The following TBXAS1 variants were observed in gnomAD, a reference collection of about 807,000 sequenced individuals.
The protein encoded by TBXAS1 is thromboxane-A synthase.
A neutral mutation model predicts 60.7 loss-of-function variants in TBXAS1; 48 were observed. That is an observed-to-expected ratio of 0.79 (90% CI 0.63 to 1.01). The LOEUF (loss-of-function observed/expected upper bound fraction) is 1.01. Ranked by LOEUF, TBXAS1 falls within the 50% of genes least tolerant of loss-of-function variation. TBXAS1 has a pLI of 0.00. For missense variants in TBXAS1, 685 were observed against 686.3 expected, an observed-to-expected ratio of 1.00 and a Z score of 0.02; for synonymous variants, 287 against 269.7, an observed-to-expected ratio of 1.06 and a Z score of -0.63.
chr7:139,855,530 T>C (rs1015699572), intron 1 of TBXAS1, among the ~76,000 whole-genome samples: 3 of 151,930 alleles, frequency 2.0e-5, no homozygotes, highest in Non-Finnish European at 4.4e-5. Flanking sequence ...CCAGGTGAAG[T>C]GGGCCTCATG....
chr7:139,833,642 A>C (rs1585580184), intron 1 of TBXAS1, among the ~76,000 whole-genome samples: 1 of 151,928 alleles, frequency 6.6e-6, no homozygotes, highest in East Asian at 1.9e-4. Flanking sequence ...CTGAGATTGC[A>C]CCACTGCACT....
intron 9 of TBXAS1, among the ~76,000 whole-genome samples, chr7:139,981,276 C>T (rs751551368): frequency 2.0e-5 from 3 of 152,212 alleles, no homozygotes; most frequent in South Asian, 2.1e-4. Flanking sequence ...GCCCCATGCC[C>T]GGCTAATTTT....
chr7:139,956,600 C>T (rs1809885897), intron 7 of TBXAS1, among the ~76,000 whole-genome samples: 1 of 152,228 alleles, frequency 6.6e-6, no homozygotes, highest in Non-Finnish European at 1.5e-5. Context: ...CCATTCATTC[C>T]TTGACCAGTT....
Position 139,815,288 on chromosome 7 carries a change from C to A in TBXAS1, c.-79-14024C>A, listed in dbSNP as rs1585546192. ...CAAACAGGGTGCTCTGCAAAGCAGC[C>A]AGTGGGCAGAGGAGCCTCCATGGAG... On this transcript the variant is annotated intron_variant, in intron 4 of 16. Transcript: ENST00000336425. Among the ~76,000 whole-genome samples, 4 of 152,172 alleles carry A rather than the reference C, an allele frequency of 2.6e-5. No homozygotes were observed. In the East Asian group the frequency reaches 7.7e-4, roughly 29 times the overall value.
chr7:139,833,413 T>C (rs1333338895), intron 1 of TBXAS1, among the ~76,000 whole-genome samples: 1 of 149,352 alleles, frequency 6.7e-6, no homozygotes, highest in African/African-American at 2.5e-5. Flanking sequence ...CCGGGCGTGG[T>C]GGCTCATGCC....
chr7:139,880,483 A>G (rs1802614570), intron 3 of TBXAS1, among the ~76,000 whole-genome samples: 1 of 152,222 alleles, frequency 6.6e-6, no homozygotes, highest in Non-Finnish European at 1.5e-5. Flanking sequence ...AAATGAGTAT[A>G]AGAAAAAAGT....
chr7:139,877,094 C>T (rs1319278972), intron 3 of TBXAS1, among the ~76,000 whole-genome samples: 1 of 152,166 alleles, frequency 6.6e-6, no homozygotes, highest in African/African-American at 2.4e-5. Context: ...ACGGCTAAAC[C>T]CAAGATGTGG....
At chr7:139,965,306 CA>C (rs1810696009) in intron 9 of TBXAS1, among the ~76,000 whole-genome samples, 1 of 152,048 alleles carries the variant, frequency 6.6e-6, no homozygotes, top group African/African-American at 2.4e-5. Flanking sequence ...CACATTACAG[CA>C]GGTCAAATTT....
At chr7:139,994,123 C>T (rs890017636) in intron 9 of TBXAS1, among the ~76,000 whole-genome samples, 2 of 152,092 alleles carry the variant, frequency 1.3e-5, no homozygotes, top group African/African-American at 4.8e-5. Flanking sequence ...CTCACTGCAA[C>T]CTCTGCCTCC....
chr7:140,004,582 C>T lies in TBXAS1; in HGVS notation c.1135-2509C>T, dbSNP rs1227407935. On this transcript the variant is annotated intron_variant, in intron 9 of 12. Coordinates refer to ENST00000448866, the MANE Select transcript of TBXAS1 (RefSeq NM_001061.7). This position sits in a 1 kb window ranked among gnomAD's most constrained non-coding sequence, Gnocchi z 5.1. ...ACAAGTTGCCTCCAGGTTTGCCCAA[C>T]GGGGATGTTCTTTCAGGCCTGGACA... is the stretch of plus-strand genomic sequence containing the variant. 2.0e-5 allele frequency among the ~76,000 whole-genome samples: 3 copies of T among 152,178 alleles called. No individual in the cohort carries two copies. The highest frequency in any genetic ancestry group is 2.1e-4 in the South Asian group (1 of 4,830).
At chr7:139,803,142 C>T (rs944806248) in intron 4 of TBXAS1, among the ~76,000 whole-genome samples, 10 of 152,144 alleles carry the variant, frequency 6.6e-5, no homozygotes, top group African/African-American at 2.4e-4. Context: ...CAGACGAAGA[C>T]AGGAAAATAT....
intron 9 of TBXAS1, among the ~76,000 whole-genome samples, chr7:139,964,554 A>C (rs1810631246): frequency 6.6e-6 from 1 of 152,200 alleles, no homozygotes; most frequent in Non-Finnish European, 1.5e-5. Context: ...AAGGCATTAG[A>C]GGGAAGCCCA....
chr7:139,966,034 T>C (rs889732809), intron 9 of TBXAS1, among the ~76,000 whole-genome samples: 1 of 152,196 alleles, frequency 6.6e-6, no homozygotes, highest in African/African-American at 2.4e-5. Context: ...TGTTATAATT[T>C]TCCTGCTGGT....
intron 10 of TBXAS1, among the ~76,000 whole-genome samples, chr7:140,014,025 T>G (rs1443368250): frequency 1.3e-5 from 2 of 152,212 alleles, no homozygotes; most frequent in Non-Finnish European, 2.9e-5. Flanking sequence ...CTCAAGCACC[T>G]GGGTCTTGCT....
chr7:139,960,127 G>A (rs1810214088), intron 8 of TBXAS1, among the ~76,000 whole-genome samples: 1 of 152,166 alleles, frequency 6.6e-6, no homozygotes, highest in African/African-American at 2.4e-5. Context: ...GGGAAGCTGA[G>A]GCCTTGCTTC....
At chr7:139,945,387 C>A (rs1323829380) in intron 5 of TBXAS1, among the ~76,000 whole-genome samples, 3 of 152,204 alleles carry the variant, frequency 2.0e-5, no homozygotes, top group Admixed American at 1.3e-4. Flanking sequence ...CACATAGGAC[C>A]AGCATGAGTC....
Position 139,864,400 on chromosome 7 carries a change from G to C in TBXAS1, c.90-7835G>C, listed in dbSNP as rs190837218. On this transcript the variant is annotated intron_variant, in intron 1 of 12. Transcript: ENST00000448866. ...AGAGATACAACACATTCATATATGA[G>C]ACAAATTGATGTTGTAATAATGTTG... 2.8e-4 allele frequency among the ~76,000 whole-genome samples: 43 copies of C among 152,220 alleles called. No homozygotes were observed. In the East Asian group the frequency reaches 7.5e-3, roughly 27 times the overall value.
intron 3 of TBXAS1, among the ~76,000 whole-genome samples, chr7:139,885,736 T>C (rs1803040839): frequency 6.6e-6 from 1 of 152,232 alleles, no homozygotes; most frequent in African/African-American, 2.4e-5. Context: ...CATCACTATT[T>C]TGTGAGCAGA....
At chr7:139,851,177 T>A (rs1008693780) in intron 1 of TBXAS1, among the ~76,000 whole-genome samples, 1 of 152,222 alleles carries the variant, frequency 6.6e-6, no homozygotes, top group African/African-American at 2.4e-5. Flanking sequence ...TGGCCTTTGA[T>A]CATCTCTTAG....
Sources: allele counts gnomAD v4.1 joint callset (sites outside exome capture counted in the v4.1 genomes callset), GRCh38; gene constraint gnomAD v4.1.1; non-coding constraint Gnocchi (gnomAD v3.1); transcripts MANE v1.5; gene names NCBI Gene and HGNC (gene_info 2026-07-23, HGNC 2026-07-21).